Variants in EMID1 observed in about 807,000 individuals in gnomAD.
EMID1 encodes the protein EMI domain containing 1.
EMID1 carries 40 observed loss-of-function variants against 60.6 expected under a neutral mutation model. The observed-to-expected ratio is 0.66, with a 90% CI of 0.51 to 0.86. EMID1 has a LOEUF of 0.86. Ranked by LOEUF, EMID1 falls within the 40% of genes least tolerant of loss-of-function variation. The probability of loss-of-function intolerance (pLI) is 0.00; values close to 1 mark genes in which losing one functional copy is unlikely to be tolerated. For missense variants in EMID1, 585 were observed against 597.1 expected (o/e 0.98, Z 0.21); for synonymous variants, 242 against 231.0 (o/e 1.05, Z -0.43).
At chr22:29,240,274 T>C (rs146272761) in intron 12 of EMID1, among the ~76,000 whole-genome samples, 1 of 152,298 alleles carries the variant, frequency 6.6e-6, no homozygotes, top group East Asian at 1.9e-4. Flanking sequence ...TTCTTTCATG[T>C]GGAAACTAGA....
intron 3 of EMID1, among the ~76,000 whole-genome samples, chr22:29,217,307 A>T (rs1294035865): frequency 1.3e-5 from 2 of 152,168 alleles, no homozygotes; most frequent in African/African-American, 4.8e-5. Flanking sequence ...GGCTCTGCTG[A>T]TGCTAAGGCA....
At position 29,254,207 on chromosome 22, in the gene EMID1, AG is replaced by A; in HGVS notation, c.1128del (p.Leu377CysfsTer8). 6.2e-7 allele frequency: 1 copy of A among 1,613,546 alleles called. No individual in the cohort carries two copies. The highest frequency in any genetic ancestry group is 8.5e-7 in the Non-Finnish European group (1 of 1,179,710). On this transcript the variant is annotated frameshift_variant, in exon 14 of 15. Coordinates refer to ENST00000334018, the MANE Select transcript of EMID1 (RefSeq NM_133455.4). LOFTEE classifies it high-confidence loss of function. ...ATCTGTCTCTTTCCTCCACAGGGGG[AG>A]GGGTTGCACCAGCTACGCGAGGCTT... ...GDPGEKSHWGEGLHQLREALK... is the reference protein window; with the variant it reads ...GDPGEKSHWGXGLHQLREALK...
chr22:29,247,613 A>T (rs1046190811), intron 13 of EMID1, among the ~76,000 whole-genome samples: 1 of 152,242 alleles, frequency 6.6e-6, no homozygotes, highest in Admixed American at 6.5e-5. Context: ...AAAATACACC[A>T]TAAAAGATTT....
At chr22:29,242,107 T>G (rs1356795082) in intron 12 of EMID1, among the ~76,000 whole-genome samples, 1 of 152,128 alleles carries the variant, frequency 6.6e-6, no homozygotes, top group African/African-American at 2.4e-5. Context: ...TTTTTTCATT[T>G]TTAGTAGAAA....
Position 29,231,662 on chromosome 22 carries a change from T to TG in EMID1, c.660dup (p.Met221AspfsTer65). 1.4e-6 allele frequency: 2 copies of TG among 1,474,394 alleles called. No homozygotes were observed. Among genetic ancestry groups the TG allele is most frequent in the Non-Finnish European group, 1.8e-6 (2 of 1,108,156 alleles). The allele number at this position is 1,474,394 out of a possible 1,614,324, so 91.3% of individuals were successfully genotyped here. A position where few individuals can be genotyped will look rare whatever the true frequency, so the allele number is the denominator to read the frequency against. ...GGAGATGCCGGCAGTCGGGGCCCAA[T>TG]GGGGATGAGAGGCCCACCAGGTGAG... is the stretch of plus-strand genomic sequence containing the variant. On this transcript the variant is annotated frameshift_variant, in exon 7 of 15. Coordinates refer to ENST00000334018, the MANE Select transcript of EMID1 (RefSeq NM_133455.4). LOFTEE classifies it high-confidence loss of function.
intron 4 of EMID1, among the ~76,000 whole-genome samples, chr22:29,225,650 T>C (rs528738682): frequency 3.3e-5 from 5 of 152,268 alleles, no homozygotes; most frequent in East Asian, 1.9e-4. Context: ...CTCCCTGCCC[T>C]GCCCCGCCCC....
At chr22:29,206,907 T>C (rs922248614) in intron 1 of EMID1, among the ~76,000 whole-genome samples, 2 of 152,206 alleles carry the variant, frequency 1.3e-5, no homozygotes, top group African/African-American at 4.8e-5. Context: ...AAGAGCTAGG[T>C]TGCAAATCTG....
intron 13 of EMID1, among the ~76,000 whole-genome samples, chr22:29,250,531 C>T (rs1032681188): frequency 6.6e-6 from 1 of 151,684 alleles, no homozygotes; most frequent in African/African-American, 2.4e-5. Flanking sequence ...TTGTCCATGC[C>T]AGGAATGGCT....
At chr22:29,255,443 G>A (rs2041669369) in intron 14 of EMID1, 3 of 1,052,716 alleles carry the variant, frequency 2.8e-6, no homozygotes, top group Admixed American at 3.2e-5. Flanking sequence ...GGCGCCTTCC[G>A]ATGCTTGGCC....
chr22:29,252,720 T>G (rs983980246), intron 13 of EMID1, among the ~76,000 whole-genome samples: 1 of 152,118 alleles, frequency 6.6e-6, no homozygotes, highest in African/African-American at 2.4e-5. Context: ...GGAGGGGCTT[T>G]GTGAGCCCAG....
At chr22:29,223,713 C>T (rs963417076) in intron 3 of EMID1, among the ~76,000 whole-genome samples, 1 of 152,232 alleles carries the variant, frequency 6.6e-6, no homozygotes, top group Non-Finnish European at 1.5e-5. Context: ...TCTCATCCAC[C>T]TTTATCTGAG....
intron 6 of EMID1, 51 bp downstream of exon 6, chr22:29,231,191 T>C: frequency 6.5e-7 from 1 of 1,539,462 alleles, no homozygotes; most frequent in South Asian, 1.3e-5. Context: ...GGGTTGGGAA[T>C]CGGGGAAGTG....
At chr22:29,209,962 G>A (rs536426183) in intron 1 of EMID1, among the ~76,000 whole-genome samples, 2 of 152,290 alleles carry the variant, frequency 1.3e-5, no homozygotes, top group East Asian at 3.9e-4. Context: ...GCTACCCCTG[G>A]AAGGTGGATA....
At chr22:29,253,096 C>G (rs556000184) in intron 13 of EMID1, among the ~76,000 whole-genome samples, 1 of 152,330 alleles carries the variant, frequency 6.6e-6, no homozygotes, top group South Asian at 2.1e-4. Flanking sequence ...TCAGTACATT[C>G]CTCAACTTAC....
At position 29,231,068 on chromosome 22, in the gene EMID1, A is replaced by G. The variant is rs781538080; in HGVS notation, c.514A>G (p.Thr172Ala). Residue 172 changes from threonine to alanine, a missense_variant, in exon 6 of 15, where the codon ACC becomes GCC. Thr to Ala is a moderately conservative substitution (Grantham distance 58). Coordinates refer to ENST00000334018, the MANE Select transcript of EMID1 (RefSeq NM_133455.4). ...IEQPVPPTPA[T>A]PEDPAPLWGP... ...GCAGCCAGTACCTCCAACACCAGCTACCCCTGAGGACCCTGCCCCGCTCTG... is the reference window on the plus strand; with the variant it reads ...GCAGCCAGTACCTCCAACACCAGCTGCCCCTGAGGACCCTGCCCCGCTCTG... 39 of 1,613,690 alleles carry G rather than the reference A, an allele frequency of 2.4e-5. No individual in the cohort carries two copies. The South Asian group carries it at 4.3e-4, about 18-fold the overall frequency.
intron 14 of EMID1, among the ~76,000 whole-genome samples, chr22:29,258,610 C>T (rs2041791538): frequency 6.6e-6 from 1 of 152,206 alleles, no homozygotes; most frequent in African/African-American, 2.4e-5. Flanking sequence ...CCTGAGTGCT[C>T]TCCTTGGGCT....
Position 29,243,385 on chromosome 22 carries a change from T to C in EMID1, c.1075-60T>C, listed in dbSNP as rs1289316216. On this transcript the variant is annotated intron_variant, in intron 12 of 14. Transcript: ENST00000334018. ...CCGCTCTTTTTCCTCCCTCTTTTTTTCCCGTCCCTTTCTGTCTCCTTGCCT... is the reference window on the plus strand; with the variant it reads ...CCGCTCTTTTTCCTCCCTCTTTTTTCCCCGTCCCTTTCTGTCTCCTTGCCT... The C allele has an allele frequency of 3.9e-6, 6 of 1,554,778 alleles. No individual in the cohort carries two copies. In the African/African-American group the frequency reaches 8.1e-5, roughly 21 times the overall value.
At chr22:29,256,509 G>C (rs1373902322) in intron 14 of EMID1, among the ~76,000 whole-genome samples, 2 of 151,258 alleles carry the variant, frequency 1.3e-5, no homozygotes, top group Non-Finnish European at 2.9e-5. Flanking sequence ...ATCCCAAGCA[G>C]GAAGAAGGGT....
intron 1 of EMID1, among the ~76,000 whole-genome samples, chr22:29,208,555 C>A (rs954753780): frequency 6.6e-6 from 1 of 152,230 alleles, no homozygotes; most frequent in Non-Finnish European, 1.5e-5. Flanking sequence ...TTCCTTCCGG[C>A]AAATCCTAGG....
Sources: allele counts gnomAD v4.1 joint callset (sites outside exome capture counted in the v4.1 genomes callset), GRCh38; gene constraint gnomAD v4.1.1; transcripts MANE v1.5; gene names NCBI Gene and HGNC (gene_info 2026-07-23, HGNC 2026-07-21).